The following SLC33A1 variants were observed in gnomAD, a reference collection of about 807,000 sequenced individuals.
SLC33A1 encodes the protein solute carrier family 33 member 1.
In SLC33A1, 20 loss-of-function variants were observed where a neutral mutation model predicts 50.0. The observed-to-expected ratio is 0.40, with a 90% CI of 0.28 to 0.58. SLC33A1 has a LOEUF of 0.58. Ranked by LOEUF, SLC33A1 falls within the 20% of genes least tolerant of loss-of-function variation. SLC33A1 has a pLI of 0.44. For synonymous variants in SLC33A1, 265 were observed against 251.8 expected, an observed-to-expected ratio of 1.05 and a Z score of -0.50; for missense variants, 476 against 657.0, an observed-to-expected ratio of 0.72 and a Z score of 3.01.
chr3:155,839,592 T>C (rs1009221980), intron 2 of SLC33A1, among the ~76,000 whole-genome samples: 17 of 152,220 alleles, frequency 1.1e-4, no homozygotes, highest in African/African-American at 4.1e-4. Context: ...GCTATAGAAA[T>C]GTTTGGTATA....
Position 155,853,821 on chromosome 3 carries a change from G to C in SLC33A1, c.177C>G (p.Gly59=). ...AGCTCTGTGGGGCTTTTAAGAAGTC[G>C]CCAGTGCCGGTATCCCCCAGAAGAG... is the stretch of plus-strand genomic sequence containing the variant. The part of the protein sequence containing the change: ...REALLGDTGT[G]DFLKAPQSFR... The change falls in exon 1 of 6, where the codon GGC becomes GGG. Residue 59 remains glycine, a synonymous_variant. Coordinates refer to ENST00000643144, the MANE Select transcript of SLC33A1 (RefSeq NM_004733.4). 6.2e-7 allele frequency: 1 copy of C among 1,610,200 alleles called. No individual in the cohort carries two copies. The highest frequency in any genetic ancestry group is 8.5e-7 in the Non-Finnish European group (1 of 1,177,608).
At chr3:155,851,497 C>T (rs1019450370) in intron 1 of SLC33A1, among the ~76,000 whole-genome samples, 1 of 152,028 alleles carries the variant, frequency 6.6e-6, no homozygotes, top group African/African-American at 2.4e-5. Flanking sequence ...GCAGTCCTCC[C>T]ACCTCAGACT....
chr3:155,829,816 A>G lies in SLC33A1; in HGVS notation c.1354T>C (p.Leu452=). 1 of 1,613,936 alleles carries G rather than the reference A, an allele frequency of 6.2e-7. No individual in the cohort carries two copies. Among genetic ancestry groups the G allele is most frequent in the Non-Finnish European group, 8.5e-7 (1 of 1,179,866 alleles). ...CCTCCCAGATTGGACACGGTATTTA[A>G]AAGGGTCATGTATGTTCCTCCAATA... ...PLIGGTYMTL[L]NTVSNLGGNW... The change falls in exon 5 of 6, where the codon TTA becomes CTA. Residue 452 remains leucine (L), a synonymous_variant. Coordinates refer to ENST00000643144, the MANE Select transcript of SLC33A1 (RefSeq NM_004733.4).
chr3:155,835,651 T>C (rs1477659968), intron 2 of SLC33A1, among the ~76,000 whole-genome samples: 1 of 152,116 alleles, frequency 6.6e-6, no homozygotes, highest in African/African-American at 2.4e-5. Context: ...CCTGCCTGCA[T>C]GATAAAAAAT....
intron 3 of SLC33A1, 117 bp from the exon 4 acceptor site, chr3:155,833,702 G>A: frequency 2.1e-6 from 2 of 940,404 alleles, no homozygotes; most frequent in Non-Finnish European, 3.5e-6. Flanking sequence ...CTGTTAGGAG[G>A]TTAAAAAGAT....
chr3:155,844,447 A>AT (rs1753062149), intron 1 of SLC33A1, among the ~76,000 whole-genome samples: 8 of 29,170 alleles, frequency 2.7e-4, no homozygotes, highest in Middle Eastern at 0.026. Flanking sequence ...ATATATATAT[A>AT]TATATATATA....
At chr3:155,849,153 A>G (rs1449972566) in intron 1 of SLC33A1, among the ~76,000 whole-genome samples, 1 of 151,998 alleles carries the variant, frequency 6.6e-6, no homozygotes, top group Non-Finnish European at 1.5e-5. Context: ...GAGCTCAAGC[A>G]ATCTGCCCAC....
At chr3:155,844,746 G>A (rs1019068579) in intron 1 of SLC33A1, 10 of 151,834 alleles carry the variant, frequency 6.6e-5, no homozygotes, top group Admixed American at 2.0e-4. Flanking sequence ...AGGATCACGG[G>A]TGTGAGCCAC....
At position 155,829,808 on chromosome 3, in the gene SLC33A1, G is replaced by A. The variant is rs760539887; in HGVS notation, c.1362C>T (p.Thr454=). The change falls in exon 5 of 6, where the codon ACC becomes ACT. Residue 454 remains threonine (T), a synonymous_variant. Transcript: ENST00000643144. ...IGGTYMTLLN[T]VSNLGGNWPS... ...GCCAGTTTCCTCCCAGATTGGACAC[G>A]GTATTTAAAAGGGTCATGTATGTTC... 1.5e-5 allele frequency: 24 copies of A among 1,613,490 alleles called. No individual in the cohort carries two copies. Among genetic ancestry groups the A allele is most frequent in the Middle Eastern group, 3.3e-4 (2 of 6,084 alleles).
chr3:155,829,354 C>A (rs1323587469), intron 5 of SLC33A1, among the ~76,000 whole-genome samples: 1 of 152,164 alleles, frequency 6.6e-6, no homozygotes, highest in Non-Finnish European at 1.5e-5. Context: ...ATAGGAATAG[C>A]CAATGGACAT....
At position 155,854,064 on chromosome 3, in the gene SLC33A1, C is replaced by G. The variant is rs1461525338; in HGVS notation, c.-67G>C. On this transcript the variant is annotated 5_prime_UTR_variant, in exon 1 of 6. Transcript: ENST00000643144. ...TGAGCGTTTTGGATCCGTCCAGTCC[C>G]AGGTCCAAGGCTGTCGCGCTGGACC... is the stretch of plus-strand genomic sequence containing the variant. 6.6e-6 allele frequency: 9 copies of G among 1,361,996 alleles called. No individual in the cohort carries two copies. The highest frequency in any genetic ancestry group is 9.9e-7 in the Non-Finnish European group (1 of 1,007,916). 84.4% of individuals were successfully genotyped at this position (1,361,996 alleles called of 1,614,324 possible).
chr3:155,839,377 A>G (rs1405685894), intron 2 of SLC33A1, among the ~76,000 whole-genome samples: 5 of 146,390 alleles, frequency 3.4e-5, no homozygotes, highest in Non-Finnish European at 1.5e-5. Context: ...CTGTCTCAAA[A>G]AAAAAAAAAA....
chr3:155,833,001 C>T (rs1752505826), intron 4 of SLC33A1, among the ~76,000 whole-genome samples: 1 of 151,900 alleles, frequency 6.6e-6, no homozygotes, highest in South Asian at 2.1e-4. Flanking sequence ...CCTGCATTCC[C>T]AGCATTTTGG....
rs1407491460 is a variant in SLC33A1 at position 155,838,159 on chromosome 3, C to T, written c.964-4118G>A. ...TCCCTACTAAAAATACAAAATTAGC[C>T]GGGCATGGTGGTGCACGCCTGTAAT... On this transcript the variant is annotated intron_variant, in intron 2 of 5. Transcript: ENST00000643144. 3.3e-5 allele frequency among the ~76,000 whole-genome samples: 5 copies of T among 151,738 alleles called. No individual in the cohort carries two copies. In the East Asian group the frequency reaches 7.7e-4, roughly 23 times the overall value.
At chr3:155,836,308 A>G (rs1317407259) in intron 2 of SLC33A1, among the ~76,000 whole-genome samples, 1 of 142,718 alleles carries the variant, frequency 7.0e-6, no homozygotes, top group Non-Finnish European at 1.5e-5. Context: ...AAAAAAAAAA[A>G]AAAAAGGAAA....
At chr3:155,842,885 G>C (rs1482633337) in intron 1 of SLC33A1, 3 of 214,920 alleles carry the variant, frequency 1.4e-5, no homozygotes, top group Non-Finnish European at 2.7e-5. Flanking sequence ...GTGCACATCT[G>C]TAGTCCCAGC....
At chr3:155,838,060 TG>T (rs1482016706) in intron 2 of SLC33A1, among the ~76,000 whole-genome samples, 1 of 152,136 alleles carries the variant, frequency 6.6e-6, no homozygotes, top group Non-Finnish European at 1.5e-5. Flanking sequence ...CCCAGCACTT[TG>T]GGAAGGCCGA....
intron 1 of SLC33A1, among the ~76,000 whole-genome samples, chr3:155,845,228 A>G (rs1312082822): frequency 1.3e-5 from 2 of 152,252 alleles, no homozygotes; most frequent in African/African-American, 2.4e-5. Context: ...ATTTTAATAA[A>G]CACAGTCCAT....
chr3:155,822,422 C>T lies in SLC33A1; in HGVS notation c.*5788G>A, dbSNP rs1752107979. The T allele has an allele frequency of 6.6e-6, 1 of 151,666 alleles. No individual in the cohort carries two copies. The highest frequency in any genetic ancestry group is 2.4e-5 in the African/African-American group (1 of 41,266). The allele number at this position is 151,666 out of a possible 1,614,324, so 9.4% of individuals were successfully genotyped here. Reference sequence around the variant, plus strand: ...CCAACATGGTGAAACCCCGTCTATACTATACAAAAAAATTAGCCAGGTGTG... The same window carrying T: ...CCAACATGGTGAAACCCCGTCTATATTATACAAAAAAATTAGCCAGGTGTG... On this transcript the variant is annotated 3_prime_UTR_variant, in exon 6 of 6. Coordinates refer to ENST00000643144, the MANE Select transcript of SLC33A1 (RefSeq NM_004733.4).
Sources: gnomAD v4.1 joint callset for allele counts (sites outside exome capture counted in the v4.1 genomes callset) on GRCh38, gnomAD v4.1.1 for gene constraint, MANE v1.5 for transcripts, NCBI Gene and HGNC (gene_info 2026-07-23, HGNC 2026-07-21) for gene names.